DYRK4: variants seen among roughly 807,000 people sequenced by gnomAD.
DYRK4 encodes dual specificity tyrosine phosphorylation regulated kinase 4, also known as dual specificity tyrosine-phosphorylation-regulated kinase 4.
Under a neutral mutation model 68.3 loss-of-function variants are expected in DYRK4, and 64 were observed. The observed-to-expected ratio is 0.94, with a 90% confidence interval of 0.77 to 1.15. The LOEUF is 1.15. Among genes scored for constraint, DYRK4 ranks in the 50% most tolerant of loss-of-function variants. The pLI is 0.00. For missense variants in DYRK4, 740 were observed against 764.7 expected, an observed-to-expected ratio of 0.97 and a Z score of 0.38; for synonymous variants, 274 against 289.9, an observed-to-expected ratio of 0.95 and a Z score of 0.56.
intron 14 of DYRK4, 133 bp downstream of exon 14, chr12:4,612,851 TTC>T: frequency 1.0e-6 from 1 of 955,236 alleles, no homozygotes; most frequent in Non-Finnish European, 1.6e-6. Flanking sequence ...GTTTTTAATA[TTC>T]TGTTTAATAT....
chr12:4,590,520 G>A, intron 4 of DYRK4, 80 bp downstream of exon 4: 1 of 1,498,604 alleles, frequency 6.7e-7, no homozygotes, highest in Non-Finnish European at 8.8e-7. Context: ...GAAAGGCCCA[G>A]GATAGTGGGG....
intron 14 of DYRK4, chr12:4,612,926 C>T (rs574187676): frequency 5.3e-4 from 283 of 532,560 alleles, no homozygotes; most frequent in Middle Eastern, 4.1e-3. Flanking sequence ...TGGGATAATT[C>T]TTGTGGCTAC....
intron 2 of DYRK4, among the ~76,000 whole-genome samples, chr12:4,574,131 A>G (rs1944760462): frequency 6.6e-6 from 1 of 151,584 alleles, no homozygotes; most frequent in African/African-American, 2.4e-5. Flanking sequence ...AGGCTGAGGC[A>G]GGAGAATTGC....
rs1240571226 is a variant in DYRK4 at position 4,596,197 on chromosome 12, G to A, written c.676G>A (p.Gly226Arg). The change falls in exon 7 of 15, where the codon GGG (glycine) becomes AGG (arginine). Residue 226 changes from glycine to arginine, a missense_variant. Gly to Arg is a moderately radical substitution (Grantham distance 125). Coordinates refer to ENST00000543431, the MANE Select transcript of DYRK4 (RefSeq NM_001394779.1). ...AYRYEVLETI[G>R]KGSFGQVAKC... is the part of the protein sequence containing the mutation. Reference sequence around the variant, plus strand: ...CCGCTATGAAGTTCTGGAGACAATCGGGAAGGGGTCCTTTGGACAGGTGGC... The same window carrying A: ...CCGCTATGAAGTTCTGGAGACAATCAGGAAGGGGTCCTTTGGACAGGTGGC... The A allele has an allele frequency of 5.6e-6, 9 of 1,614,164 alleles. No individual in the cohort carries two copies. Among genetic ancestry groups the A allele is most frequent in the Non-Finnish European group, 6.8e-6 (8 of 1,180,026 alleles).
At chr12:4,566,884 T>A (rs149845931) in intron 1 of DYRK4, among the ~76,000 whole-genome samples, 2 of 152,362 alleles carry the variant, frequency 1.3e-5, no homozygotes, top group African/African-American at 4.8e-5. Context: ...AGTTCATTTC[T>A]TCTAGATCTT....
At chr12:4,577,260 A>G (rs557098161) in intron 2 of DYRK4, among the ~76,000 whole-genome samples, 25 of 152,244 alleles carry the variant, frequency 1.6e-4, no homozygotes, top group Middle Eastern at 3.4e-3. Flanking sequence ...GTTTTTAATA[A>G]GTCTTGCTAC....
chr12:4,568,016 G>C lies in DYRK4; in HGVS notation c.100G>C (p.Ala34Pro). The C allele has an allele frequency of 6.5e-7, 1 of 1,536,116 alleles. No individual in the cohort carries two copies. The highest frequency in any genetic ancestry group is 2.4e-5 in the East Asian group (1 of 40,916). The change falls in exon 2 of 15, where the codon GCA becomes CCA. Residue 34 changes from alanine to proline, a missense_variant. Physicochemically the swap from Ala to Pro is conservative, Grantham distance 27. Transcript: ENST00000543431. ...TTTGACTCCCTTCCTGGTTTTGAAA[G>C]CAAGAAAGAAACAAAAGTTCACCTC... ...CDLTPFLVLK[A>P]RKKQKFTSAK...
intron 2 of DYRK4, among the ~76,000 whole-genome samples, chr12:4,586,668 A>G (rs1238321496): frequency 7.3e-5 from 11 of 151,336 alleles, no homozygotes; most frequent in Non-Finnish European, 1.5e-4. Context: ...CCTCGGGGTC[A>G]CTTGGTCACC....
intron 2 of DYRK4, among the ~76,000 whole-genome samples, chr12:4,586,280 A>G (rs1186869674): frequency 6.6e-6 from 1 of 152,150 alleles, no homozygotes; most frequent in Non-Finnish European, 1.5e-5. Flanking sequence ...CCCAGGTCTT[A>G]GACTGCACAG....
intron 4 of DYRK4, chr12:4,590,787 C>T: frequency 2.6e-6 from 1 of 385,650 alleles, no homozygotes; most frequent in South Asian, 9.3e-5. Context: ...TGCGAAGGTG[C>T]CAACTGAAAG....
chr12:4,597,379 G>A (rs1207747685), intron 8 of DYRK4, among the ~76,000 whole-genome samples: 1 of 152,242 alleles, frequency 6.6e-6, no homozygotes, highest in Non-Finnish European at 1.5e-5. Flanking sequence ...TGGATTTAGC[G>A]AGCTGGTAGC....
intron 2 of DYRK4, chr12:4,573,383 T>A: frequency 7.8e-7 from 1 of 1,289,278 alleles, no homozygotes; most frequent in Non-Finnish European, 1.0e-6. Flanking sequence ...TTGTTCTGCG[T>A]GTTCATTGGT....
At chr12:4,563,510 A>T (rs997100972) in intron 1 of DYRK4, among the ~76,000 whole-genome samples, 1 of 152,222 alleles carries the variant, frequency 6.6e-6, no homozygotes, top group Admixed American at 6.5e-5. Context: ...TGGAGGCTGC[A>T]TTCATAGAAA....
chr12:4,599,272 T>A, intron 9 of DYRK4, 106 bp downstream of exon 9: 11 of 500,300 alleles, frequency 2.2e-5, no homozygotes, highest in Non-Finnish European at 2.5e-5. Context: ...GCCTTTGACT[T>A]TTTTTTTTTT....
chr12:4,589,692 G>A (rs1025281037), intron 3 of DYRK4, among the ~76,000 whole-genome samples: 1 of 152,150 alleles, frequency 6.6e-6, no homozygotes, highest in East Asian at 1.9e-4. Flanking sequence ...GTATTCCATT[G>A]TGTTTAAGTA....
Position 4,601,579 on chromosome 12 carries a change from T to G in DYRK4, c.1126+1791T>G, listed in dbSNP as rs1225296720. On this transcript the variant is annotated intron_variant, in intron 10 of 14. Coordinates refer to ENST00000543431, the MANE Select transcript of DYRK4 (RefSeq NM_001394779.1). ...AGTAAGTGGAAAAAAAACTGAATAA[T>G]GAAACTTTTGACATGTAAATGTATA... is the stretch of plus-strand genomic sequence containing the variant. Among the ~76,000 whole-genome samples the G allele has an allele frequency of 1.3e-5, 2 of 152,138 alleles. 1 individual carries two copies. The highest frequency in any genetic ancestry group is 4.8e-5 in the African/African-American group (2 of 41,436).
rs76568061 is a variant in DYRK4, at chr12:4,611,427, G to A, written c.1491-1116G>A. ...CATTATTTTCTTCTTTAGTGCAAAG[G>A]ACTGATTACTCATAACTTGCAAGAG... On this transcript the variant is annotated intron_variant, in intron 13 of 14. Coordinates refer to ENST00000543431, the MANE Select transcript of DYRK4 (RefSeq NM_001394779.1). 5.3e-5 allele frequency among the ~76,000 whole-genome samples: 8 copies of A among 152,284 alleles called. No individual in the cohort carries two copies. The South Asian group carries it at 1.0e-3, about 20-fold the overall frequency.
Position 4,605,188 on chromosome 12 carries a change from G to C in DYRK4, c.1299+102G>C, listed in dbSNP as rs569306557. 4 of 845,918 alleles carry C rather than the reference G, an allele frequency of 4.7e-6. No individual in the cohort carries two copies. In the South Asian group the frequency reaches 8.4e-5, roughly 18 times the overall value. 52.4% of individuals were successfully genotyped at this position (845,918 alleles called of 1,614,324 possible). Reference sequence around the variant, plus strand: ...CCCAGGACCATGGCCTGCATACCTTGTTGTTGTTGTTGTTGTTGAGTATTC... The same window carrying C: ...CCCAGGACCATGGCCTGCATACCTTCTTGTTGTTGTTGTTGTTGAGTATTC... On this transcript the variant is annotated intron_variant, in intron 11 of 14. Coordinates refer to ENST00000543431, the MANE Select transcript of DYRK4 (RefSeq NM_001394779.1).
intron 11 of DYRK4, among the ~76,000 whole-genome samples, chr12:4,606,177 G>A (rs1230889619): frequency 1.3e-5 from 2 of 151,930 alleles, no homozygotes; most frequent in Non-Finnish European, 2.9e-5. Context: ...TCTTGTTTTG[G>A]AAATAAATTA....
Sources: allele counts gnomAD v4.1 joint callset (sites outside exome capture counted in the v4.1 genomes callset), GRCh38; gene constraint gnomAD v4.1.1; transcripts MANE v1.5; gene names NCBI Gene and HGNC (gene_info 2026-07-23, HGNC 2026-07-21).